Variants in TDRD15 observed in about 807,000 individuals in gnomAD.
TDRD15 encodes the protein tudor domain containing 15.
For synonymous variants in TDRD15, 503 were observed against 314.5 expected (o/e 1.60, Z -6.34); for missense variants, 1,416 against 904.7 (o/e 1.57, Z -7.25).
intron 2 of TDRD15, among the ~76,000 whole-genome samples, chr2:21,134,520 CATA>C (rs1665773056): frequency 6.6e-6 from 1 of 151,878 alleles, no homozygotes; most frequent in Non-Finnish European, 1.5e-5. Context: ...TATCAAACAT[CATA>C]ATAAGTCAAA....
At position 21,142,990 on chromosome 2, in the gene TDRD15, G is replaced by T; in HGVS notation, c.5523G>T (p.Leu1841Phe). 2 of 704,570 alleles carry T rather than the reference G, an allele frequency of 2.8e-6. No individual in the cohort carries two copies. Among genetic ancestry groups the T allele is most frequent in the African/African-American group, 1.8e-5 (1 of 56,276 alleles). 43.6% of individuals were successfully genotyped at this position (704,570 alleles called of 1,614,324 possible). A position where few individuals can be genotyped will look rare whatever the true frequency, so the allele number is the denominator to read the frequency against. ...TTGTTCCTGAGGAACTTTTGAATTT[G>T]CCAAGGCTGAGTTATCCATGTATTT... ...LKVVPEELLN[L>F]PRLSYPCILY... The change falls in exon 4 of 4, where the codon TTG becomes TTT. Residue 1841 changes from leucine (L) to phenylalanine (F), a missense_variant. Transcript: ENST00000405799.
chr2:21,143,766 C>G lies in TDRD15; in HGVS notation c.*494C>G, dbSNP rs745661522. On this transcript the variant is annotated 3_prime_UTR_variant, in exon 4 of 4. Coordinates refer to ENST00000405799, the MANE Select transcript of TDRD15 (RefSeq NM_001306137.2). Reference sequence around the variant, plus strand: ...TAAAAGTTTTTCATGTACTAACATCCAAATTGAAAATATGTTGCAGGAAAA... The same window carrying G: ...TAAAAGTTTTTCATGTACTAACATCGAAATTGAAAATATGTTGCAGGAAAA... Among the ~76,000 whole-genome samples, 3 of 151,468 alleles carry G rather than the reference C, an allele frequency of 2.0e-5. No homozygotes were observed. Among genetic ancestry groups the G allele is most frequent in the Non-Finnish European group, 4.4e-5 (3 of 67,618 alleles).
Position 21,139,839 on chromosome 2 carries a change from A to G in TDRD15, c.2372A>G (p.Asn791Ser), listed in dbSNP as rs1665885512. 1 of 715,432 alleles carries G rather than the reference A, an allele frequency of 1.4e-6. No homozygotes were observed. The highest frequency in any genetic ancestry group is 2.6e-6 in the Non-Finnish European group (1 of 383,976). The allele number at this position is 715,432 out of a possible 1,614,324, so 44.3% of individuals were successfully genotyped here. The change falls in exon 4 of 4, where the codon AAT (asparagine) becomes AGT (serine). Residue 791 changes from asparagine (N) to serine (S), a missense_variant. Physicochemically the swap from Asn to Ser is conservative, Grantham distance 46. Transcript: ENST00000405799. ...DLKLLMEQIQ[N>S]YYSIHSDPYE... ...AAATTACTAATGGAGCAAATTCAGA[A>G]TTACTATAGTATTCATTCTGATCCT...
At chr2:21,126,474 C>T (rs893321225) in intron 1 of TDRD15, among the ~76,000 whole-genome samples, 3 of 151,898 alleles carry the variant, frequency 2.0e-5, no homozygotes, top group African/African-American at 7.3e-5. Flanking sequence ...TCAAGCGATT[C>T]TCCTTCCTCA....
In TDRD15 at chr2:21,142,825, T is replaced by C. The variant is rs769511091; in HGVS notation, c.5358T>C (p.Ser1786=). ...LPQEFIIPGS[S]CLFKYKSEDQ... is the part of the protein sequence containing the mutation. ...AGGAGTTCATAATTCCCGGTTCTAG[T>C]TGTTTGTTCAAATATAAATCGGAAG... is the stretch of plus-strand genomic sequence containing the variant. Residue 1786 remains serine, a synonymous_variant, in exon 4 of 4, where the codon AGT becomes AGC. Transcript: ENST00000405799. 2.8e-6 allele frequency: 2 copies of C among 714,978 alleles called. No homozygotes were observed. Among genetic ancestry groups the C allele is most frequent in the South Asian group, 1.5e-5 (1 of 67,428 alleles). 44.3% of individuals were successfully genotyped at this position (714,978 alleles called of 1,614,324 possible).
At position 21,141,941 on chromosome 2, in the gene TDRD15, C is replaced by A. The variant is rs1215564245; in HGVS notation, c.4474C>A (p.Pro1492Thr). The A allele has an allele frequency of 2.8e-6, 2 of 711,540 alleles. No homozygotes were observed. The highest frequency in any genetic ancestry group is 4.1e-5 in the Admixed American group (2 of 48,976). The allele number at this position is 711,540 out of a possible 1,614,324, so 44.1% of individuals were successfully genotyped here. A position where few individuals can be genotyped will look rare whatever the true frequency, so the allele number is the denominator to read the frequency against. Residue 1492 changes from proline (P) to threonine (T), a missense_variant, in exon 4 of 4, where the codon CCA (proline) becomes ACA (threonine). Coordinates refer to ENST00000405799, the MANE Select transcript of TDRD15 (RefSeq NM_001306137.2). The part of the protein sequence containing the change: ...MPQVLSQKVR[P>T]GDNEMKKGKS... ...TCAGGTTCTCTCTCAAAAGGTGAGG[C>A]CAGGTGATAATGAAATGAAGAAAGG... is the stretch of plus-strand genomic sequence containing the variant.
In TDRD15 at chr2:21,137,978, A is replaced by G. The variant is rs1181879487; in HGVS notation, c.511A>G (p.Lys171Glu). The part of the protein sequence containing the change: ...PLQMFLFEVP[K>E]IISQALELQL... ...GCAAATGTTTCTTTTTGAAGTGCCA[A>G]AAATTATATCTCAGGCTCTCGAGTT... is the stretch of plus-strand genomic sequence containing the variant. The change falls in exon 4 of 4, where the codon AAA becomes GAA. Residue 171 changes from lysine to glutamate, a missense_variant. Physicochemically the swap from Lys to Glu is moderately conservative, Grantham distance 56. Coordinates refer to ENST00000405799, the MANE Select transcript of TDRD15 (RefSeq NM_001306137.2). 2.8e-6 allele frequency: 2 copies of G among 716,948 alleles called. No homozygotes were observed. The highest frequency in any genetic ancestry group is 4.0e-5 in the Admixed American group (2 of 49,966). The allele number at this position is 716,948 out of a possible 1,614,324, so 44.4% of individuals were successfully genotyped here. A position where few individuals can be genotyped will look rare whatever the true frequency, so the allele number is the denominator to read the frequency against.
chr2:21,124,798 A>C (rs1172902040), intron 1 of TDRD15, among the ~76,000 whole-genome samples: 1 of 127,954 alleles, frequency 7.8e-6, no homozygotes, highest in Non-Finnish European at 1.6e-5. Context: ...TGTGTGTGAC[A>C]GAGTGATCCT....
In TDRD15 at chr2:21,139,981, A is replaced by G. The variant is rs191005671; in HGVS notation, c.2514A>G (p.Gln838=). 3.9e-5 allele frequency: 28 copies of G among 715,972 alleles called. No homozygotes were observed. In the Admixed American group the frequency reaches 5.6e-4, roughly 14 times the overall value. The allele number at this position is 715,972 out of a possible 1,614,324, so 44.4% of individuals were successfully genotyped here. A position where few individuals can be genotyped will look rare whatever the true frequency, so the allele number is the denominator to read the frequency against. The change falls in exon 4 of 4, where the codon CAA becomes CAG. Residue 838 remains glutamine, a synonymous_variant. Transcript: ENST00000405799. ...TAGTGTTTGTTGATTATGGTTACCAAAAAAGGGTTTTAATTGAAGATCTTT... is the reference window on the plus strand; with the variant it reads ...TAGTGTTTGTTGATTATGGTTACCAGAAAAGGGTTTTAATTGAAGATCTTT... The part of the protein sequence containing the change: ...VDIVFVDYGY[Q]KRVLIEDLCA...
At position 21,140,155 on chromosome 2, in the gene TDRD15, G is replaced by A. The variant is rs773402350; in HGVS notation, c.2688G>A (p.Gly896=). 1.4e-5 allele frequency: 10 copies of A among 715,622 alleles called. No homozygotes were observed. Among genetic ancestry groups the A allele is most frequent in the South Asian group, 1.3e-4 (9 of 67,552 alleles). 44.3% of individuals were successfully genotyped at this position (715,622 alleles called of 1,614,324 possible). A position where few individuals can be genotyped will look rare whatever the true frequency, so the allele number is the denominator to read the frequency against. The change falls in exon 4 of 4, where the codon GGG becomes GGA. Residue 896 remains glycine, a synonymous_variant. Transcript: ENST00000405799. ...DLWNFISSSR[G]LLTCIIYALV... Reference sequence around the variant, plus strand: ...GGAATTTTATCTCTTCATCTAGAGGGTTATTGACTTGTATCATCTATGCCT... The same window carrying A: ...GGAATTTTATCTCTTCATCTAGAGGATTATTGACTTGTATCATCTATGCCT...
Position 21,143,144 on chromosome 2 carries a change from G to T in TDRD15, c.5677G>T (p.Val1893Leu). 1.4e-6 allele frequency: 1 copy of T among 708,424 alleles called. No individual in the cohort carries two copies. The highest frequency in any genetic ancestry group is 2.6e-6 in the Non-Finnish European group (1 of 381,874). 43.9% of individuals were successfully genotyped at this position (708,424 alleles called of 1,614,324 possible). ...REYHSETKLK[V>L]DVIHEKNNLA... Reference sequence around the variant, plus strand: ...ATATCATTCTGAAACAAAACTGAAAGTAGATGTCATTCATGAGAAAAACAA... The same window carrying T: ...ATATCATTCTGAAACAAAACTGAAATTAGATGTCATTCATGAGAAAAACAA... The change falls in exon 4 of 4, where the codon GTA becomes TTA. Residue 1893 changes from valine to leucine, a missense_variant. Val to Leu is a conservative substitution (Grantham distance 32). Coordinates refer to ENST00000405799, the MANE Select transcript of TDRD15 (RefSeq NM_001306137.2).
At chr2:21,124,817 G>GGTGTGT (rs70939068) in intron 1 of TDRD15, among the ~76,000 whole-genome samples, 1 of 115,798 alleles carries the variant, frequency 8.6e-6, no homozygotes, top group African/African-American at 3.4e-5. Flanking sequence ...CTAATGCCAG[G>GGTGTGT]GTGTGTGTGT....
intron 3 of TDRD15, among the ~76,000 whole-genome samples, chr2:21,136,622 G>C (rs981772095): frequency 3.4e-4 from 51 of 152,120 alleles, no homozygotes; most frequent in Non-Finnish European, 1.2e-4. Flanking sequence ...CAGAGTCAAG[G>C]AAGAGTTTAG....
intron 3 of TDRD15, among the ~76,000 whole-genome samples, chr2:21,135,179 G>T (rs1351012218): frequency 1.4e-5 from 2 of 144,916 alleles, no homozygotes; most frequent in East Asian, 2.0e-4. Context: ...ATAATAAAAA[G>T]ATATATACAT....
At position 21,141,129 on chromosome 2, in the gene TDRD15, CA is replaced by C; in HGVS notation, c.3668del (p.Asn1223ThrfsTer3). On this transcript the variant is annotated frameshift_variant, in exon 4 of 4. Coordinates refer to ENST00000405799, the MANE Select transcript of TDRD15 (RefSeq NM_001306137.2). LOFTEE classifies it low-confidence loss of function (END_TRUNC). Reference sequence around the variant, plus strand: ...GTTTGTTATAAAATGGAACCTGTGTCAAAAAACAAAATGAAGACTTCTTTGA... The same window carrying C: ...GTTTGTTATAAAATGGAACCTGTGTCAAAAACAAAATGAAGACTTCTTTGA... Reference protein sequence around the residue: ...PSVCYKMEPVSKNKMKTSLND... With the variant: ...PSVCYKMEPVXKNKMKTSLND... 1.4e-6 allele frequency: 1 copy of C among 711,234 alleles called. No individual in the cohort carries two copies. Among genetic ancestry groups the C allele is most frequent in the South Asian group, 1.5e-5 (1 of 66,214 alleles). The allele number at this position is 711,234 out of a possible 1,614,324, so 44.1% of individuals were successfully genotyped here. A position where few individuals can be genotyped will look rare whatever the true frequency, so the allele number is the denominator to read the frequency against.
intron 3 of TDRD15, among the ~76,000 whole-genome samples, chr2:21,137,159 AATTTGT>A (rs1227067207): frequency 2.0e-5 from 3 of 151,920 alleles, no homozygotes; most frequent in Admixed American, 6.6e-5. Context: ...ATCCAGCTGG[AATTTGT>A]TAAAGTTTCT....
Position 21,138,287 on chromosome 2 carries a change from A to C in TDRD15, c.820A>C (p.Met274Leu), listed in dbSNP as rs1325307672. 1 of 716,358 alleles carries C rather than the reference A, an allele frequency of 1.4e-6. No homozygotes were observed. Among genetic ancestry groups the C allele is most frequent in the East Asian group, 2.7e-5 (1 of 37,290 alleles). 44.4% of individuals were successfully genotyped at this position (716,358 alleles called of 1,614,324 possible). A position where few individuals can be genotyped will look rare whatever the true frequency, so the allele number is the denominator to read the frequency against. ...TPELENLTAH[M>L]TLHYDTVCQE... The stretch of plus-strand genomic sequence containing the variant: ...AGAGCTAGAAAACTTGACAGCACAT[A>C]TGACTTTGCATTATGATACCGTCTG... Residue 274 changes from methionine (M) to leucine (L), a missense_variant, in exon 4 of 4, where the codon ATG (methionine) becomes CTG (leucine). Met to Leu is a conservative substitution (Grantham distance 15, BLOSUM62 2). Coordinates refer to ENST00000405799, the MANE Select transcript of TDRD15 (RefSeq NM_001306137.2).
In TDRD15 at chr2:21,137,885, G is replaced by C; in HGVS notation, c.418G>C (p.Ala140Pro). ...AGTTGGGGAAAAATGGTCCCCTAAA[G>C]CTTTGAATTATTTCAAGTCATTAGT... is the stretch of plus-strand genomic sequence containing the variant. ...LPVGEKWSPKALNYFKSLVGI... is the reference protein window; with the variant it reads ...LPVGEKWSPKPLNYFKSLVGI... The change falls in exon 4 of 4, where the codon GCT (alanine) becomes CCT (proline). Residue 140 changes from alanine to proline, a missense_variant. Transcript: ENST00000405799. 1 of 716,160 alleles carries C rather than the reference G, an allele frequency of 1.4e-6. No homozygotes were observed. Among genetic ancestry groups the C allele is most frequent in the Non-Finnish European group, 2.6e-6 (1 of 384,342 alleles). The allele number at this position is 716,160 out of a possible 1,614,324, so 44.4% of individuals were successfully genotyped here.
At chr2:21,128,326 A>ATT (rs376183503) in intron 2 of TDRD15, among the ~76,000 whole-genome samples, 29 of 140,862 alleles carry the variant, frequency 2.1e-4, no homozygotes, top group African/African-American at 6.5e-4. Context: ...TATTCATATA[A>ATT]TTTTTTTTTT....
Sources: gnomAD v4.1 joint callset for allele counts (sites outside exome capture counted in the v4.1 genomes callset) on GRCh38, gnomAD v4.1.1 for gene constraint, MANE v1.5 for transcripts, NCBI Gene and HGNC (gene_info 2026-07-23, HGNC 2026-07-21) for gene names.